Variants in CIAO3 observed in about 807,000 individuals in gnomAD.
The protein encoded by CIAO3 is LET1 like/JFP15.
Under a neutral mutation model 51.5 loss-of-function variants are expected in CIAO3, and 45 were observed. That is an observed-to-expected ratio of 0.87 (90% CI 0.69 to 1.12). The LOEUF (loss-of-function observed/expected upper bound fraction) is 1.12. Ranked by LOEUF, CIAO3 falls within the 50% of genes most tolerant of loss-of-function variation. The pLI is 0.00. For synonymous variants in CIAO3, 314 were observed against 269.3 expected (o/e 1.17, Z -1.63); for missense variants, 668 against 632.5 (o/e 1.06, Z -0.60).
intron 3 of CIAO3, 132 bp from the exon 4 acceptor site, chr16:736,530 T>G: frequency 1.7e-6 from 2 of 1,168,746 alleles, no homozygotes; most frequent in Non-Finnish European, 2.4e-6. Flanking sequence ...TTTTTTTTTT[T>G]TTAACACAGA....
At chr16:732,022 G>T in intron 8 of CIAO3, 1 of 524,534 alleles carries the variant, frequency 1.9e-6, no homozygotes, top group South Asian at 2.5e-5. Flanking sequence ...GGCCTGGCAT[G>T]GATTACCACC....
intron 1 of CIAO3, 105 bp from the exon 2 acceptor site, chr16:739,843 GC>G: frequency 7.6e-7 from 1 of 1,310,078 alleles, no homozygotes; most frequent in Non-Finnish European, 1.1e-6. Flanking sequence ...TGAAGGCTCT[GC>G]CAGGAGCCAT....
intron 2 of CIAO3, chr16:739,308 A>G (rs556825696): frequency 2.4e-4 from 77 of 318,708 alleles, no homozygotes; most frequent in African/African-American, 1.6e-3. Context: ...CAAACAAACA[A>G]ACAAACAAAC....
At position 730,386 on chromosome 16, in the gene CIAO3, C is replaced by T. The variant is rs758972446; in HGVS notation, c.*31G>A. 35 of 1,583,646 alleles carry T rather than the reference C, an allele frequency of 2.2e-5. No homozygotes were observed. Among genetic ancestry groups the T allele is most frequent in the Admixed American group, 5.0e-5 (3 of 59,818 alleles). On this transcript the variant is annotated 3_prime_UTR_variant, in exon 11 of 11. Coordinates refer to ENST00000251588, the MANE Select transcript of CIAO3 (RefSeq NM_022493.3). ...GTGGTTCTGCTGTCACACATGGACA[C>T]GGCCTCCTGGGAGTCCTGGTCCTGC...
At chr16:731,468 C>T in intron 9 of CIAO3, 97 bp downstream of exon 9, 1 of 1,423,052 alleles carries the variant, frequency 7.0e-7, no homozygotes, top group South Asian at 1.5e-5. Flanking sequence ...CTCCACCCAG[C>T]CCACCTCTGT....
intron 9 of CIAO3, chr16:731,283 G>A (rs184756727): frequency 1.8e-5 from 11 of 606,598 alleles, no homozygotes; most frequent in African/African-American, 7.4e-5. Context: ...GGATGTGGTC[G>A]CGTGCCTGCG....
Position 730,272 on chromosome 16 carries a change from G to A in CIAO3, c.*145C>T, listed in dbSNP as rs1054642702. The A allele has an allele frequency of 7.0e-5, 56 of 795,648 alleles. 2 individuals carry two copies. In the Admixed American group the frequency reaches 1.3e-3, roughly 19 times the overall value. 49.3% of individuals were successfully genotyped at this position (795,648 alleles called of 1,614,324 possible). Reference sequence around the variant, plus strand: ...ACTGGAGGTGACGAGGCGGCTGCGGGTCCTGGCTAGTCCTAGCTCCTACTC... The same window carrying A: ...ACTGGAGGTGACGAGGCGGCTGCGGATCCTGGCTAGTCCTAGCTCCTACTC... On this transcript the variant is annotated 3_prime_UTR_variant, in exon 11 of 11. Coordinates refer to ENST00000251588, the MANE Select transcript of CIAO3 (RefSeq NM_022493.3).
chr16:730,693 G>A (rs772226981), intron 10 of CIAO3, 38 bp from the exon 11 acceptor site: 12 of 1,592,302 alleles, frequency 7.5e-6, no homozygotes, highest in East Asian at 4.5e-5. Flanking sequence ...CACAGCCTGC[G>A]CCCCAGCCAA....
rs1286938041 is a variant in CIAO3, at chr16:737,678, A to G, written c.163-349T>C. 1.5e-6 allele frequency: 2 copies of G among 1,317,970 alleles called. No homozygotes were observed. Among genetic ancestry groups the G allele is most frequent in the Non-Finnish European group, 2.0e-6 (2 of 1,008,188 alleles). The allele number at this position is 1,317,970 out of a possible 1,614,324, so 81.6% of individuals were successfully genotyped here. On this transcript the variant is annotated intron_variant, in intron 2 of 10. Coordinates refer to ENST00000251588, the MANE Select transcript of CIAO3 (RefSeq NM_022493.3). This position sits in a 1 kb window ranked among gnomAD's most constrained non-coding sequence, Gnocchi z 5.3. ...ACACTCACAGGGCTGTAGGGCAGGA[A>G]AATGCCGAAGGTGGGCTCTGAAAGG...
In CIAO3 at chr16:730,457, G is replaced by A; in HGVS notation, c.1391C>T (p.Ala464Val). ...CAGGCCAGTGCTGGCCTTCTCCACG[G>A]CGTGGTACTGCGTATGCAGCAAGCG... Reference protein sequence around the residue: ...AGRLLHTQYHAVEKASTGLGI... With the variant: ...AGRLLHTQYHVVEKASTGLGI... Residue 464 changes from alanine (A) to valine (V), a missense_variant, in exon 11 of 11, where the codon GCC becomes GTC. Ala to Val is a moderately conservative substitution (Grantham distance 64). Coordinates refer to ENST00000251588, the MANE Select transcript of CIAO3 (RefSeq NM_022493.3). 2 of 1,606,338 alleles carry A rather than the reference G, an allele frequency of 1.2e-6. No individual in the cohort carries two copies. The highest frequency in any genetic ancestry group is 1.7e-6 in the Non-Finnish European group (2 of 1,179,938).
Position 740,912 on chromosome 16 carries a change from C to T in CIAO3, c.66+8G>A, listed in dbSNP as rs752715249. The T allele has an allele frequency of 2.0e-6, 3 of 1,529,204 alleles. No homozygotes were observed. The highest frequency in any genetic ancestry group is 4.0e-5 in the Admixed American group (2 of 50,598). The allele number at this position is 1,529,204 out of a possible 1,614,324, so 94.7% of individuals were successfully genotyped here. A position where few individuals can be genotyped will look rare whatever the true frequency, so the allele number is the denominator to read the frequency against. On this transcript the variant is annotated splice_region_variant and intron_variant, in intron 1 of 10. Coordinates refer to ENST00000251588, the MANE Select transcript of CIAO3 (RefSeq NM_022493.3). ...CAGCCTCGACCCCGCCCGCCCAGGC[C>T]GGCCCACCTGAGACGGCCCGATGAA...
rs759731007 is a variant in CIAO3 at position 730,521 on chromosome 16, T to C, written c.1327A>G (p.Thr443Ala). 9.9e-6 allele frequency: 16 copies of C among 1,610,642 alleles called. No homozygotes were observed. The highest frequency in any genetic ancestry group is 4.0e-5 in the African/African-American group (3 of 74,936). Residue 443 changes from threonine to alanine, a missense_variant, in exon 11 of 11, where the codon ACA becomes GCA. By Grantham distance (58) the Thr-to-Ala change is moderately conservative. Transcript: ENST00000251588. The stretch of plus-strand genomic sequence containing the variant: ...GAGTCCGTGCCCTGCAGCCAGTGTG[T>C]GTACAGCTCCTGAACCCCAGGCGCG... ...EDAPGVQELY[T>A]HWLQGTDSEC...
chr16:731,673 G>A lies in CIAO3; in HGVS notation c.926C>T (p.Thr309Ile). ...CCCCGAGCCCCCTCCCCGATGGCTG[G>A]TGGGCTCCTCTGCAGAGGCACCGCT... is the stretch of plus-strand genomic sequence containing the variant. ...LCSGASAEEP[T>I]SHRGGGSGGY... The change falls in exon 9 of 11, where the codon ACC (threonine) becomes ATC (isoleucine). Residue 309 changes from threonine to isoleucine, a missense_variant. Physicochemically the swap from Thr to Ile is moderately conservative, Grantham distance 89. Coordinates refer to ENST00000251588, the MANE Select transcript of CIAO3 (RefSeq NM_022493.3). The A allele has an allele frequency of 2.6e-6, 4 of 1,558,464 alleles. No homozygotes were observed. The highest frequency in any genetic ancestry group is 3.5e-6 in the Non-Finnish European group (4 of 1,152,668).
At chr16:733,272 C>T (rs775216530) in intron 7 of CIAO3, 26 bp downstream of exon 7, 2 of 1,611,330 alleles carry the variant, frequency 1.2e-6, no homozygotes, top group Non-Finnish European at 1.7e-6. Context: ...GGCTTGAGGG[C>T]TCAGGGCCGC....
intron 6 of CIAO3, chr16:733,809 C>T (rs2041309422): frequency 2.7e-6 from 1 of 367,228 alleles, no homozygotes; most frequent in Non-Finnish European, 5.2e-6. Context: ...CCGCAGGGGA[C>T]ATGGGCGCTC....
chr16:731,918 G>C (rs563391899), intron 8 of CIAO3: 59 of 632,050 alleles, frequency 9.3e-5, no homozygotes, highest in Non-Finnish European at 1.2e-4. Flanking sequence ...GCCCAGGCTG[G>C]AGTGCAGTGG....
intron 6 of CIAO3, 100 bp from the exon 7 acceptor site, chr16:733,527 G>A: frequency 1.3e-6 from 2 of 1,546,366 alleles, no homozygotes; most frequent in African/African-American, 1.4e-5. Context: ...CGGACCCCGA[G>A]GGACAGTGAG....
rs201488709 is a variant in CIAO3 at position 730,935 on chromosome 16, G to A, written c.1100C>T (p.Ala367Val). The A allele has an allele frequency of 1.5e-5, 24 of 1,612,966 alleles. No homozygotes were observed. Among genetic ancestry groups the A allele is most frequent in the Middle Eastern group, 1.7e-4 (1 of 6,060 alleles). Residue 367 changes from alanine to valine, a missense_variant, in exon 10 of 11, where the codon GCG becomes GTG. Coordinates refer to ENST00000251588, the MANE Select transcript of CIAO3 (RefSeq NM_022493.3). ...EGQVLLHFAMAYGFRNIQNLV... is the reference protein window; with the variant it reads ...EGQVLLHFAMVYGFRNIQNLV... ...GTTCTGGATGTTGCGGAAGCCGTAC[G>A]CCATTGCGAAGTGCAGCAGCACCTG...
Position 729,770 on chromosome 16 carries a change from T to G in CIAO3, c.*647A>C, listed in dbSNP as rs1396033496. 7.6e-7 allele frequency: 1 copy of G among 1,318,084 alleles called. No individual in the cohort carries two copies. The highest frequency in any genetic ancestry group is 1.5e-5 in the African/African-American group (1 of 66,868). The allele number at this position is 1,318,084 out of a possible 1,614,324, so 81.6% of individuals were successfully genotyped here. A position where few individuals can be genotyped will look rare whatever the true frequency, so the allele number is the denominator to read the frequency against. On this transcript the variant is annotated 3_prime_UTR_variant, in exon 11 of 11. Transcript: ENST00000251588. ...AGGAGCTGTTTTCGTAGGCGTGTTT[T>G]AGGAGGGGTGCGTTTATTAGACAAA...
Sources: gnomAD v4.1 joint callset for allele counts on GRCh38, gnomAD v4.1.1 for gene constraint, Gnocchi (gnomAD v3.1) non-coding constraint, MANE v1.5 for transcripts, NCBI Gene and HGNC (gene_info 2026-07-23, HGNC 2026-07-21) for gene names.